The following FAM193A variants were observed in gnomAD, a reference collection of about 807,000 sequenced individuals.
The protein encoded by FAM193A is family with sequence similarity 193 member A, also known as protein FAM193A.
In FAM193A, 22 loss-of-function variants were observed where a neutral mutation model predicts 126.5. That is an observed-to-expected ratio of 0.17 (90% CI 0.12 to 0.25). FAM193A has a LOEUF of 0.25. Ranked by LOEUF, FAM193A falls within the 10% of genes least tolerant of loss-of-function variation. FAM193A has a pLI of 1.00. For synonymous variants in FAM193A, 761 were observed against 646.8 expected, an observed-to-expected ratio of 1.18 and a Z score of -2.68; for missense variants, 1,675 against 1,672.8, an observed-to-expected ratio of 1.00 and a Z score of -0.02.
chr4:2,725,450 CAAA>C (rs71644355), intron 20 of FAM193A, among the ~76,000 whole-genome samples: 204 of 31,764 alleles, frequency 6.4e-3, no homozygotes, highest in African/African-American at 0.015. Flanking sequence ...ACCCTGTCTC[CAAA>C]AAAAAAAAAA....
intron 12 of FAM193A, 80 bp downstream of exon 12, chr4:2,663,368 A>G: frequency 3.5e-6 from 4 of 1,149,848 alleles, no homozygotes; most frequent in Non-Finnish European, 4.8e-6. Context: ...ACTGAATACA[A>G]AATTATTTTG....
chr4:2,696,955 T>TG (rs1435265949), intron 18 of FAM193A, among the ~76,000 whole-genome samples: 3 of 152,078 alleles, frequency 2.0e-5, no homozygotes, highest in Admixed American at 2.0e-4. Flanking sequence ...GGTGGGCTTT[T>TG]GGGGCCTGTG....
chr4:2,687,170 C>T (rs1007714405), intron 13 of FAM193A, among the ~76,000 whole-genome samples: 2 of 152,066 alleles, frequency 1.3e-5, no homozygotes, highest in African/African-American at 4.8e-5. Flanking sequence ...CCTCTCTGCT[C>T]CGAAGCACTG....
intron 6 of FAM193A, among the ~76,000 whole-genome samples, chr4:2,642,591 C>G (rs1405255275): frequency 2.0e-5 from 3 of 152,038 alleles, no homozygotes; most frequent in Middle Eastern, 6.8e-3. Flanking sequence ...AGATATGCAT[C>G]TTGGGAGAGG....
At chr4:2,667,397 A>G (rs760201220) in intron 12 of FAM193A, among the ~76,000 whole-genome samples, 21 of 152,208 alleles carry the variant, frequency 1.4e-4, no homozygotes, top group Non-Finnish European at 2.9e-4. Context: ...TGGTGGTTTT[A>G]TCGGTTACTG....
chr4:2,730,646 C>T lies in FAM193A; in HGVS notation c.4455-1129C>T, dbSNP rs751679353. ...CGAAGGTTGCAGTGAACCGAGATCA[C>T]GCCACTGCACTCCAGCCTGGGCGAC... On this transcript the variant is annotated intron_variant, in intron 20 of 20. Transcript: ENST00000637812. 2.0e-4 allele frequency among the ~76,000 whole-genome samples: 30 copies of T among 149,798 alleles called. 1 individual carries two copies. Among genetic ancestry groups the T allele is most frequent in the Non-Finnish European group, 3.9e-4 (26 of 67,488 alleles).
chr4:2,558,201 G>A (rs144530691), intron 1 of FAM193A, among the ~76,000 whole-genome samples: 433 of 151,908 alleles, frequency 2.9e-3, no homozygotes, highest in African/African-American at 9.2e-3. Context: ...GAACCGGGGA[G>A]GAGGTTGCAG....
intron 1 of FAM193A, among the ~76,000 whole-genome samples, chr4:2,552,948 A>G (rs1384861088): frequency 6.7e-5 from 10 of 149,040 alleles, no homozygotes; most frequent in South Asian, 2.1e-4. Flanking sequence ...CCCAGCCTCA[A>G]GCAATTCTCT....
chr4:2,655,660 G>C (rs956784371), intron 7 of FAM193A, among the ~76,000 whole-genome samples: 4 of 152,074 alleles, frequency 2.6e-5, no homozygotes, highest in African/African-American at 9.7e-5. Flanking sequence ...GCTTGGTGCA[G>C]TGGCTCACAG....
chr4:2,654,125 A>G (rs1021780240), intron 7 of FAM193A, among the ~76,000 whole-genome samples: 3 of 152,250 alleles, frequency 2.0e-5, no homozygotes, highest in Non-Finnish European at 4.4e-5. Context: ...TAGAAATTTT[A>G]TACTGATTCA....
chr4:2,682,604 T>C (rs1715278979), intron 13 of FAM193A, among the ~76,000 whole-genome samples: 2 of 152,242 alleles, frequency 1.3e-5, no homozygotes, highest in East Asian at 3.8e-4. Flanking sequence ...TTTTTCTGCC[T>C]TCTCTACTTT....
At chr4:2,537,668 C>G (rs1383707986) in intron 1 of FAM193A, among the ~76,000 whole-genome samples, 3 of 152,358 alleles carry the variant, frequency 2.0e-5, no homozygotes, top group East Asian at 3.9e-4. Flanking sequence ...AAATGTTTCT[C>G]TGGCCACCTT....
chr4:2,661,001 C>A (rs1343167702), intron 10 of FAM193A, among the ~76,000 whole-genome samples: 2 of 152,182 alleles, frequency 1.3e-5, no homozygotes, highest in Non-Finnish European at 1.5e-5. Context: ...TATCCAACTT[C>A]TTACTGAAAC....
At chr4:2,653,187 TC>T (rs1163640320) in intron 7 of FAM193A, among the ~76,000 whole-genome samples, 8 of 152,200 alleles carry the variant, frequency 5.3e-5, no homozygotes, top group Non-Finnish European at 7.3e-5. Flanking sequence ...GACTGAAAAA[TC>T]CTTTGGGAAT....
chr4:2,612,084 T>C (rs1741911409), intron 2 of FAM193A, among the ~76,000 whole-genome samples: 2 of 150,032 alleles, frequency 1.3e-5, no homozygotes, highest in South Asian at 4.2e-4. Context: ...GTTCCGTCTG[T>C]CTCGGCCTCC....
At chr4:2,550,403 T>C (rs1737840986) in intron 1 of FAM193A, among the ~76,000 whole-genome samples, 1 of 151,936 alleles carries the variant, frequency 6.6e-6, no homozygotes, top group African/African-American at 2.4e-5. Context: ...CAGCTTTACA[T>C]TCCTAGAATG....
In FAM193A at chr4:2,699,436, A is replaced by ACCCCC. The variant is rs111815931; in HGVS notation, c.3508-237_3508-233dup. 2.0e-4 allele frequency among the ~76,000 whole-genome samples: 12 copies of ACCCCC among 61,084 alleles called. 2 individuals are homozygous for ACCCCC. The highest frequency in any genetic ancestry group is 8.2e-4 in the South Asian group (1 of 1,220). The allele number at this position is 61,084 out of a possible 152,430, so 40.1% of individuals were successfully genotyped here. A position where few individuals can be genotyped will look rare whatever the true frequency, so the allele number is the denominator to read the frequency against. ...TATCGGGAATTTTTTGTTAACTACC[A>ACCCCC]CCCCCCCCCCCACACACACACACAC... On this transcript the variant is annotated intron_variant, in intron 18 of 20. Coordinates refer to ENST00000637812, the MANE Select transcript of FAM193A (RefSeq NM_001366318.2).
chr4:2,662,965 G>A lies in FAM193A; in HGVS notation c.1873G>A (p.Gly625Arg), dbSNP rs139525740. The change falls in exon 11 of 21, where the codon GGG (glycine) becomes AGG (arginine). Residue 625 changes from glycine to arginine, a missense_variant. Transcript: ENST00000637812. Reference protein sequence around the residue: ...NGIHSELNGGGENMALKDESP... With the variant: ...NGIHSELNGGRENMALKDESP... Reference sequence around the variant, plus strand: ...AATCCACAGCGAATTGAATGGTGGCGGGGAAAACATGGCCCTGAAGGATGA... The same window carrying A: ...AATCCACAGCGAATTGAATGGTGGCAGGGAAAACATGGCCCTGAAGGATGA... 404 of 1,613,092 alleles carry A rather than the reference G, an allele frequency of 2.5e-4. 3 individuals are homozygous for A. In the East Asian group the frequency reaches 5.5e-3, roughly 22 times the overall value.
chr4:2,633,854 C>T (rs1206935931), intron 5 of FAM193A, among the ~76,000 whole-genome samples: 1 of 152,046 alleles, frequency 6.6e-6, no homozygotes, highest in African/African-American at 2.4e-5. Context: ...GATGGGGCCG[C>T]TGCACTCCAG....
Sources: allele counts gnomAD v4.1 joint callset (sites outside exome capture counted in the v4.1 genomes callset), GRCh38; gene constraint gnomAD v4.1.1; transcripts MANE v1.5; gene names NCBI Gene and HGNC (gene_info 2026-07-23, HGNC 2026-07-21).